Variants in EFCAB14 observed in about 807,000 individuals in gnomAD.
EFCAB14 encodes EF-hand calcium-binding domain-containing protein 14.
A neutral mutation model predicts 56.5 loss-of-function variants in EFCAB14; 43 were observed. The observed-to-expected ratio is 0.76, with a 90% CI of 0.60 to 0.98. The LOEUF (loss-of-function observed/expected upper bound fraction) is 0.98. EFCAB14 is among the 50% of genes least tolerant of loss of function. The probability of loss-of-function intolerance (pLI) is 0.00; values close to 1 mark genes in which losing one functional copy is unlikely to be tolerated. For synonymous variants in EFCAB14, 235 were observed against 212.9 expected (o/e 1.10, Z -0.90); for missense variants, 538 against 580.3 (o/e 0.93, Z 0.75).
At chr1:46,679,122 T>C (rs188208425) in intron 10 of EFCAB14, among the ~76,000 whole-genome samples, 8 of 152,328 alleles carry the variant, frequency 5.3e-5, no homozygotes, top group East Asian at 1.9e-4. Flanking sequence ...TAAAACAGAC[T>C]GTGGCATATT....
In EFCAB14 at chr1:46,677,156, T is replaced by C. The variant is rs973066317; in HGVS notation, c.*1305A>G. ...TTATTCCTTTCAATCTAGGGATCTT[T>C]CATGCCAGGTCCACAGAAGCATTTA... On this transcript the variant is annotated 3_prime_UTR_variant, in exon 11 of 11. Transcript: ENST00000371933. The C allele has an allele frequency of 3.3e-5, 5 of 152,658 alleles. No homozygotes were observed. The highest frequency in any genetic ancestry group is 5.9e-5 in the Non-Finnish European group (4 of 68,052). The allele number at this position is 152,658 out of a possible 1,614,324, so 9.5% of individuals were successfully genotyped here. A position where few individuals can be genotyped will look rare whatever the true frequency, so the allele number is the denominator to read the frequency against.
At position 46,718,907 on chromosome 1, in the gene EFCAB14, G is replaced by C. The variant is rs559255639; in HGVS notation, c.-820C>G. ...GACGGCGGCTCGGCCGACCGAAAGC[G>C]CTCCCGCCCGGAGTTTGAGGTCTCC... On this transcript the variant is annotated 5_prime_UTR_variant, in exon 1 of 11. Coordinates refer to ENST00000371933, the MANE Select transcript of EFCAB14 (RefSeq NM_014774.3). 2 of 152,506 alleles carry C rather than the reference G, an allele frequency of 1.3e-5. No individual in the cohort carries two copies. The highest frequency in any genetic ancestry group is 2.4e-5 in the African/African-American group (1 of 41,466). The allele number at this position is 152,506 out of a possible 1,614,324, so 9.4% of individuals were successfully genotyped here.
At chr1:46,698,922 C>T (rs138616469) in intron 3 of EFCAB14, among the ~76,000 whole-genome samples, 9 of 152,086 alleles carry the variant, frequency 5.9e-5, no homozygotes, top group African/African-American at 1.9e-4. Flanking sequence ...AATGGAGAGA[C>T]CAGTAAGAAG....
chr1:46,694,628 T>C (rs1038783655), intron 4 of EFCAB14, among the ~76,000 whole-genome samples: 1 of 152,200 alleles, frequency 6.6e-6, no homozygotes, highest in African/African-American at 2.4e-5. Context: ...ACACTGTTGG[T>C]GGGACTGTAA....
At chr1:46,702,693 T>C (rs964402469) in intron 3 of EFCAB14, among the ~76,000 whole-genome samples, 4 of 151,972 alleles carry the variant, frequency 2.6e-5, no homozygotes, top group Admixed American at 1.3e-4. Context: ...GTTATCATCA[T>C]CATTGCCATC....
intron 2 of EFCAB14, among the ~76,000 whole-genome samples, chr1:46,714,976 G>C (rs1677365060): frequency 6.6e-6 from 1 of 152,164 alleles, no homozygotes; most frequent in Non-Finnish European, 1.5e-5. Flanking sequence ...AAGTAGGTAT[G>C]GTTGTTGTAA....
chr1:46,705,494 C>A (rs892848818), intron 3 of EFCAB14, among the ~76,000 whole-genome samples: 1 of 152,150 alleles, frequency 6.6e-6, no homozygotes, highest in Middle Eastern at 3.2e-3. Context: ...TTTGCATGTT[C>A]TCCTCATGTT....
intron 8 of EFCAB14, among the ~76,000 whole-genome samples, chr1:46,685,768 A>G (rs1036031727): frequency 2.0e-5 from 3 of 152,170 alleles, no homozygotes; most frequent in African/African-American, 4.8e-5. Flanking sequence ...GAAACCACCT[A>G]TTAGTTTTTT....
chr1:46,706,363 A>G (rs1177045941), intron 3 of EFCAB14, among the ~76,000 whole-genome samples: 2 of 152,246 alleles, frequency 1.3e-5, no homozygotes, highest in Non-Finnish European at 2.9e-5. Context: ...CTGGTTAAAG[A>G]GAACTCAGAA....
At chr1:46,710,133 T>C (rs1391265818) in intron 2 of EFCAB14, among the ~76,000 whole-genome samples, 2 of 152,150 alleles carry the variant, frequency 1.3e-5, no homozygotes, top group African/African-American at 2.4e-5. Flanking sequence ...AGAAATGAGA[T>C]ATATTTATTC....
At chr1:46,690,123 C>T (rs562558184) in intron 5 of EFCAB14, among the ~76,000 whole-genome samples, 1 of 152,340 alleles carries the variant, frequency 6.6e-6, no homozygotes, top group African/African-American at 2.4e-5. Context: ...GTCATGTAAC[C>T]ACTGGCTTGG....
In EFCAB14 at chr1:46,696,655, CA is replaced by C. The variant is rs768664388; in HGVS notation, c.481-7del. On this transcript the variant is annotated splice_polypyrimidine_tract_variant and splice_region_variant and intron_variant, in intron 3 of 10. Transcript: ENST00000371933. ...GCAGAAGTCAACAGAGAAATCTGAACAAAAAAGAGTAACAAACAATGAAAAC... is the reference window on the plus strand; with the variant it reads ...GCAGAAGTCAACAGAGAAATCTGAACAAAAAGAGTAACAAACAATGAAAAC... The C allele has an allele frequency of 2.5e-6, 4 of 1,610,924 alleles. No individual in the cohort carries two copies. Among genetic ancestry groups the C allele is most frequent in the Non-Finnish European group, 3.4e-6 (4 of 1,178,264 alleles).
At chr1:46,711,485 T>C (rs1677307472) in intron 2 of EFCAB14, among the ~76,000 whole-genome samples, 1 of 152,232 alleles carries the variant, frequency 6.6e-6, no homozygotes, top group Admixed American at 6.5e-5. Context: ...GAAAATATTC[T>C]GGATCCTGAG....
At chr1:46,694,604 A>G (rs1370335069) in intron 4 of EFCAB14, among the ~76,000 whole-genome samples, 1 of 152,232 alleles carries the variant, frequency 6.6e-6, no homozygotes, top group African/African-American at 2.4e-5. Flanking sequence ...ATGTGGAGAA[A>G]TAGGAACACT....
chr1:46,679,619 T>TTTTTC, intron 10 of EFCAB14, among the ~76,000 whole-genome samples: 1 of 133,128 alleles, frequency 7.5e-6, no homozygotes, highest in Non-Finnish European at 1.6e-5. Flanking sequence ...TTTTTTTTTT[T>TTTTTC]TTTTTTTTTT....
chr1:46,691,762 T>TG (rs2148843007), intron 5 of EFCAB14, 65 bp downstream of exon 5: 2 of 1,212,318 alleles, frequency 1.6e-6, no homozygotes, highest in African/African-American at 3.0e-5. Flanking sequence ...AGTGGAAAGT[T>TG]GGCAACATGA....
At position 46,691,895 on chromosome 1, in the gene EFCAB14, C is replaced by T. The variant is rs1676998152; in HGVS notation, c.622G>A (p.Ala208Thr). 6.2e-7 allele frequency: 1 copy of T among 1,613,446 alleles called. No individual in the cohort carries two copies. The highest frequency in any genetic ancestry group is 8.5e-7 in the Non-Finnish European group (1 of 1,179,672). Residue 208 changes from alanine to threonine, a missense_variant, in exon 5 of 11, where the codon GCT (alanine) becomes ACT (threonine). Transcript: ENST00000371933. The part of the protein sequence containing the change: ...IGNTLNSVHL[A>T]VEALQKTVDE... ...ACAGTTTTCTGTAGTGCTTCCACAG[C>T]AAGATGGACGCTGTTTAAAGTATTG...
chr1:46,696,280 G>A (rs1411046522), intron 4 of EFCAB14, among the ~76,000 whole-genome samples: 1 of 152,026 alleles, frequency 6.6e-6, no homozygotes, highest in Non-Finnish European at 1.5e-5. Flanking sequence ...GCAATTCTGG[G>A]ACTCAGAGAG....
At position 46,676,668 on chromosome 1, in the gene EFCAB14, G is replaced by A. The variant is rs889861446; in HGVS notation, c.*1793C>T. On this transcript the variant is annotated 3_prime_UTR_variant, in exon 11 of 11. Transcript: ENST00000371933. ...GGTGAGAGTGGATGGAAGGCAGTCAGAAGGGTGAGAGTTATTTTCAAGTTA... is the reference window on the plus strand; with the variant it reads ...GGTGAGAGTGGATGGAAGGCAGTCAAAAGGGTGAGAGTTATTTTCAAGTTA... 2.6e-5 allele frequency: 4 copies of A among 152,592 alleles called. No homozygotes were observed. Among genetic ancestry groups the A allele is most frequent in the African/African-American group, 9.7e-5 (4 of 41,428 alleles). The allele number at this position is 152,592 out of a possible 1,614,324, so 9.5% of individuals were successfully genotyped here.
Sources: gnomAD v4.1 joint callset for allele counts (sites outside exome capture counted in the v4.1 genomes callset) on GRCh38, gnomAD v4.1.1 for gene constraint, MANE v1.5 for transcripts, NCBI Gene and HGNC (gene_info 2026-07-23, HGNC 2026-07-21) for gene names.